Variants in CYB5B observed in about 807,000 individuals in gnomAD.
The protein encoded by CYB5B is cytochrome b5 type B (outer mitochondrial membrane).
CYB5B carries 14 observed loss-of-function variants against 21.3 expected under a neutral mutation model. The ratio of observed to expected loss-of-function variants is 0.66; its 90% confidence interval spans 0.43 to 1.03. CYB5B has a LOEUF of 1.03. Among genes scored for constraint, CYB5B ranks in the 50% least tolerant of loss-of-function variants. The pLI is 0.00. For synonymous variants in CYB5B, 69 were observed against 68.4 expected, an observed-to-expected ratio of 1.01 and a Z score of -0.04; for missense variants, 166 against 185.1, an observed-to-expected ratio of 0.90 and a Z score of 0.60.
At chr16:69,429,560 C>T (rs1442222362) in intron 1 of CYB5B, among the ~76,000 whole-genome samples, 4 of 152,168 alleles carry the variant, frequency 2.6e-5, no homozygotes, top group Non-Finnish European at 5.9e-5. Flanking sequence ...CTGGCTTTGC[C>T]TTCTTAAGAG....
intron 3 of CYB5B, among the ~76,000 whole-genome samples, chr16:69,451,820 G>C (rs918536789): frequency 6.6e-6 from 1 of 151,920 alleles, no homozygotes; most frequent in African/African-American, 2.4e-5. Context: ...CCGTGGCGGC[G>C]GGCAACTGTA....
At chr16:69,454,187 A>G (rs1302003563) in intron 3 of CYB5B, among the ~76,000 whole-genome samples, 1 of 152,184 alleles carries the variant, frequency 6.6e-6, no homozygotes, top group Non-Finnish European at 1.5e-5. Flanking sequence ...TTTTATCACA[A>G]TGAGTTCTTA....
chr16:69,438,849 G>C (rs944183529), intron 1 of CYB5B, among the ~76,000 whole-genome samples: 1 of 151,966 alleles, frequency 6.6e-6, no homozygotes, highest in Admixed American at 6.6e-5. Flanking sequence ...TATATATTCT[G>C]GATATTAATT....
At chr16:69,457,103 T>TA (rs1349896010) in intron 3 of CYB5B, among the ~76,000 whole-genome samples, 3 of 152,206 alleles carry the variant, frequency 2.0e-5, no homozygotes, top group Non-Finnish European at 4.4e-5. Flanking sequence ...TTGCAGTACT[T>TA]AGTTCAAAGA....
intron 1 of CYB5B, among the ~76,000 whole-genome samples, chr16:69,431,254 G>A (rs1488541986): frequency 6.6e-6 from 1 of 152,030 alleles, no homozygotes; most frequent in East Asian, 1.9e-4. Flanking sequence ...CTCCCAAAGT[G>A]CTGGGATTAC....
At chr16:69,437,214 A>G (rs902873694) in intron 1 of CYB5B, among the ~76,000 whole-genome samples, 8 of 152,216 alleles carry the variant, frequency 5.3e-5, no homozygotes, top group African/African-American at 1.2e-4. Flanking sequence ...GTTGCAGTAT[A>G]GTTTATTTGA....
chr16:69,430,648 G>A (rs962412217), intron 1 of CYB5B, among the ~76,000 whole-genome samples: 6 of 150,966 alleles, frequency 4.0e-5, no homozygotes, highest in African/African-American at 1.5e-4. Flanking sequence ...AGAGTAACTT[G>A]AAATAACATT....
intron 1 of CYB5B, among the ~76,000 whole-genome samples, chr16:69,426,353 T>A (rs1268197473): frequency 6.9e-6 from 1 of 144,918 alleles, no homozygotes; most frequent in Non-Finnish European, 1.5e-5. Context: ...GAGCCTAGAT[T>A]GCGCCACTGC....
rs979525196 is a variant in CYB5B at position 69,464,505 on chromosome 16, A to G, written c.*1985A>G. ...ATAAATTGCGTGATTATTGGAGTAC[A>G]TTGGGGTAAAAGTAAAGAACAGAGG... On this transcript the variant is annotated 3_prime_UTR_variant, in exon 5 of 5. Transcript: ENST00000307892. 5.9e-5 allele frequency: 9 copies of G among 152,238 alleles called. No individual in the cohort carries two copies. The highest frequency in any genetic ancestry group is 7.3e-5 in the Non-Finnish European group (5 of 68,044). 9.4% of individuals were successfully genotyped at this position (152,238 alleles called of 1,614,324 possible). A position where few individuals can be genotyped will look rare whatever the true frequency, so the allele number is the denominator to read the frequency against.
intron 1 of CYB5B, among the ~76,000 whole-genome samples, chr16:69,439,051 C>T (rs966192836): frequency 6.6e-6 from 1 of 151,786 alleles, no homozygotes; most frequent in African/African-American, 2.4e-5. Context: ...GAACATTTAC[C>T]CTTATGTTTT....
Position 69,464,938 on chromosome 16 carries a change from A to G in CYB5B, c.*2418A>G, listed in dbSNP as rs1195634935. The G allele has an allele frequency of 1.3e-5, 2 of 152,678 alleles. No homozygotes were observed. The highest frequency in any genetic ancestry group is 4.8e-5 in the African/African-American group (2 of 41,468). 9.5% of individuals were successfully genotyped at this position (152,678 alleles called of 1,614,324 possible). ...ATTTACTGTTATTTTGTTGCCTACA[A>G]AAACAGCCAGGTGAAAGCTAAATCT... On this transcript the variant is annotated 3_prime_UTR_variant, in exon 5 of 5. Transcript: ENST00000307892.
In CYB5B at chr16:69,462,642, A is replaced by C. The variant is rs2015046952; in HGVS notation, c.*122A>C. 1.3e-6 allele frequency: 1 copy of C among 781,306 alleles called. No homozygotes were observed. The highest frequency in any genetic ancestry group is 2.2e-6 in the Non-Finnish European group (1 of 462,362). 48.4% of individuals were successfully genotyped at this position (781,306 alleles called of 1,614,324 possible). ...AGTTGCATTCTTCCCCCTTGGAGCCAAGACGATTGGCCAGACATCACCTCA... is the reference window on the plus strand; with the variant it reads ...AGTTGCATTCTTCCCCCTTGGAGCCCAGACGATTGGCCAGACATCACCTCA... On this transcript the variant is annotated 3_prime_UTR_variant, in exon 5 of 5. Coordinates refer to ENST00000307892, the MANE Select transcript of CYB5B (RefSeq NM_030579.3).
Position 69,459,085 on chromosome 16 carries a change from T to TA in CYB5B, c.334-7dup, listed in dbSNP as rs397791287. On this transcript the variant is annotated splice_region_variant and splice_polypyrimidine_tract_variant and intron_variant, in intron 3 of 4. Transcript: ENST00000307892. ...TTATTTTTGAATTTTTTTTTTTTTT[T>TA]ATTTCAGGACCCTTCAAAAAATGAT... 56 of 1,588,686 alleles carry TA rather than the reference T, an allele frequency of 3.5e-5. No homozygotes were observed. Among genetic ancestry groups the TA allele is most frequent in the South Asian group, 2.5e-4 (21 of 85,212 alleles).
At chr16:69,451,819 CG>C (rs1280296693) in intron 3 of CYB5B, among the ~76,000 whole-genome samples, 3 of 151,742 alleles carry the variant, frequency 2.0e-5, no homozygotes, top group African/African-American at 7.3e-5. Context: ...GCCGTGGCGG[CG>C]GGCAACTGTA....
intron 1 of CYB5B, among the ~76,000 whole-genome samples, chr16:69,439,911 C>G (rs151145907): frequency 1.3e-5 from 2 of 151,866 alleles, no homozygotes; most frequent in East Asian, 3.9e-4. Flanking sequence ...CTCTGTCACT[C>G]AGGCTCGAGT....
At chr16:69,446,063 G>T (rs973161730) in intron 1 of CYB5B, among the ~76,000 whole-genome samples, 1 of 151,822 alleles carries the variant, frequency 6.6e-6, no homozygotes, top group Non-Finnish European at 1.5e-5. Flanking sequence ...TTTATGCATG[G>T]GTATAAATAT....
chr16:69,456,085 C>T (rs1253335175), intron 3 of CYB5B, among the ~76,000 whole-genome samples: 4 of 152,074 alleles, frequency 2.6e-5, no homozygotes, highest in Non-Finnish European at 4.4e-5. Flanking sequence ...TCAGGTATTA[C>T]AAAATATTTC....
In CYB5B at chr16:69,458,404, T is replaced by C. The variant is rs554292428; in HGVS notation, c.334-689T>C. On this transcript the variant is annotated intron_variant, in intron 3 of 4. Transcript: ENST00000307892. ...TTTATGTAAACAGATTTATATAATATGTAGTCTTTTGTGTCTGCTTTCTTT... is the reference window on the plus strand; with the variant it reads ...TTTATGTAAACAGATTTATATAATACGTAGTCTTTTGTGTCTGCTTTCTTT... 4.2e-4 allele frequency among the ~76,000 whole-genome samples: 64 copies of C among 152,352 alleles called. No homozygotes were observed. The East Asian group carries it at 0.011, about 27-fold the overall frequency.
At chr16:69,434,093 G>A (rs1161020549) in intron 1 of CYB5B, among the ~76,000 whole-genome samples, 1 of 152,170 alleles carries the variant, frequency 6.6e-6, no homozygotes, top group African/African-American at 2.4e-5. Flanking sequence ...ATTTCTACCA[G>A]TGTTGTCCCC....
Sources: allele counts gnomAD v4.1 joint callset (sites outside exome capture counted in the v4.1 genomes callset), GRCh38; gene constraint gnomAD v4.1.1; transcripts MANE v1.5; gene names NCBI Gene and HGNC (gene_info 2026-07-23, HGNC 2026-07-21).